The following SCNN1B variants were observed in gnomAD, a reference collection of about 807,000 sequenced individuals.
The protein encoded by SCNN1B is sodium channel epithelial 1 subunit beta.
A neutral mutation model predicts 65.3 loss-of-function variants in SCNN1B; 46 were observed. The observed-to-expected ratio is 0.70, with a 90% CI of 0.56 to 0.90. The LOEUF is 0.90. Ranked by LOEUF, SCNN1B falls within the 40% of genes least tolerant of loss-of-function variation. SCNN1B has a pLI of 0.00. For missense variants in SCNN1B, 751 were observed against 830.5 expected, an observed-to-expected ratio of 0.90 and a Z score of 1.18; for synonymous variants, 349 against 330.6, an observed-to-expected ratio of 1.06 and a Z score of -0.60.
intron 1 of SCNN1B, among the ~76,000 whole-genome samples, chr16:23,317,826 G>C (rs1961504611): frequency 6.6e-6 from 1 of 152,212 alleles, no homozygotes; most frequent in Non-Finnish European, 1.5e-5. Context: ...ACAAATGCCT[G>C]TGGGGTATGT....
intron 1 of SCNN1B, among the ~76,000 whole-genome samples, chr16:23,305,023 C>T (rs1032914019): frequency 3.3e-5 from 5 of 152,066 alleles, no homozygotes; most frequent in African/African-American, 7.2e-5. Context: ...ATGCCTAGAG[C>T]CACTGTTTGT....
chr16:23,331,962 T>C (rs1485923972), intron 1 of SCNN1B, among the ~76,000 whole-genome samples: 1 of 151,006 alleles, frequency 6.6e-6, no homozygotes, highest in Non-Finnish European at 1.5e-5. Context: ...TTTTTGCTTG[T>C]TTGTTTGTTT....
intron 1 of SCNN1B, among the ~76,000 whole-genome samples, chr16:23,316,972 G>T (rs1019021331): frequency 6.6e-6 from 1 of 152,122 alleles, no homozygotes; most frequent in Non-Finnish European, 1.5e-5. Flanking sequence ...CAACATTATG[G>T]TCACCCACAT....
At position 23,355,448 on chromosome 16, in the gene SCNN1B, G is replaced by A. The variant is rs267604468; in HGVS notation, c.735G>A (p.Met245Ile). ...LVEMSYPGEQ[M>I]ILACLFGAEP... is the part of the protein sequence containing the mutation. ...AGATGAGCTACCCCGGCGAGCAGATGATCCTGGCCTGCCTATTCGGAGCTG... is the reference window on the plus strand; with the variant it reads ...AGATGAGCTACCCCGGCGAGCAGATAATCCTGGCCTGCCTATTCGGAGCTG... The change falls in exon 4 of 13, where the codon ATG becomes ATA. Residue 245 changes from methionine (M) to isoleucine (I), a missense_variant. Transcript: ENST00000343070. 2 of 1,614,204 alleles carry A rather than the reference G, an allele frequency of 1.2e-6. No individual in the cohort carries two copies. Among genetic ancestry groups the A allele is most frequent in the Non-Finnish European group, 1.7e-6 (2 of 1,180,050 alleles).
intron 1 of SCNN1B, among the ~76,000 whole-genome samples, chr16:23,336,371 A>ATTTTT (rs745716509): frequency 3.7e-5 from 5 of 134,522 alleles, no homozygotes; most frequent in African/African-American, 1.1e-4. Context: ...AAGCAAGACG[A>ATTTTT]TTTTTTTTTT....
intron 1 of SCNN1B, among the ~76,000 whole-genome samples, chr16:23,315,075 G>T (rs1184461669): frequency 6.6e-6 from 1 of 152,214 alleles, no homozygotes; most frequent in African/African-American, 2.4e-5. Context: ...GGTGGCTCAA[G>T]CCTGTAATCC....
upstream of SCNN1B, among the ~76,000 whole-genome samples, chr16:23,302,010 T>TG (rs1409799605): frequency 1.3e-5 from 2 of 151,950 alleles, no homozygotes. Flanking sequence ...ATGTGGCTTG[T>TG]GATATGTACT....
At chr16:23,363,451 C>G (rs1192746033) in intron 4 of SCNN1B, among the ~76,000 whole-genome samples, 2 of 152,226 alleles carry the variant, frequency 1.3e-5, no homozygotes, top group East Asian at 3.8e-4. Flanking sequence ...TCCAGACAGA[C>G]AAGGTCATGC....
intron 7 of SCNN1B, among the ~76,000 whole-genome samples, chr16:23,374,952 A>T (rs1962862805): frequency 6.6e-6 from 1 of 152,012 alleles, no homozygotes; most frequent in Middle Eastern, 3.2e-3. Flanking sequence ...GTGGCCCTGA[A>T]TCCTCCCTCC....
intron 1 of SCNN1B, among the ~76,000 whole-genome samples, chr16:23,320,115 G>A (rs1325090473): frequency 5.9e-5 from 9 of 152,160 alleles, no homozygotes; most frequent in African/African-American, 1.9e-4. Flanking sequence ...TGATTCAGTA[G>A]GTCAAGTGGG....
intron 3 of SCNN1B, 157 bp downstream of exon 3, chr16:23,353,231 T>C (rs1962349391): frequency 3.4e-6 from 3 of 892,408 alleles, no homozygotes; most frequent in East Asian, 2.6e-5. Flanking sequence ...AAAATAGAAA[T>C]TTTTGGCATG....
chr16:23,351,943 C>T (rs189769489), intron 2 of SCNN1B, among the ~76,000 whole-genome samples: 1 of 152,348 alleles, frequency 6.6e-6, no homozygotes, highest in East Asian at 1.9e-4. Context: ...ATTCTAAACT[C>T]ACCTCTGCCC....
At chr16:23,279,135 G>C (rs909135005) in intron 1 of SCNN1B, among the ~76,000 whole-genome samples, 1 of 151,842 alleles carries the variant, frequency 6.6e-6, no homozygotes, top group Admixed American at 6.6e-5. Context: ...GGAGTGCAGT[G>C]GAGCAATCTT....
intron 2 of SCNN1B, among the ~76,000 whole-genome samples, chr16:23,349,777 A>C (rs1241083373): frequency 6.6e-6 from 1 of 152,204 alleles, no homozygotes. Flanking sequence ...ACAAATATCG[A>C]ATTCATCATC....
upstream of SCNN1B, among the ~76,000 whole-genome samples, chr16:23,300,356 A>C (rs914255482): frequency 1.3e-5 from 2 of 151,074 alleles, no homozygotes; most frequent in Non-Finnish European, 2.9e-5. Flanking sequence ...TAAATAAAAA[A>C]GACTGAAAAA....
Position 23,348,737 on chromosome 16 carries a change from C to T in SCNN1B, c.138C>T (p.Pro46=). The change falls in exon 2 of 13, where the codon CCC becomes CCT. Residue 46 remains proline (P), a synonymous_variant. Coordinates refer to ENST00000343070, the MANE Select transcript of SCNN1B (RefSeq NM_000336.3). The surrounding 1 kb of genome is among the most constrained non-coding windows in gnomAD (Gnocchi z 4.5). Reference sequence around the variant, plus strand: ...CCAAGCGCATCATCTGTGAGGGGCCCAAGAAGAAAGCCATGTGGTTCCTGC... The same window carrying T: ...CCAAGCGCATCATCTGTGAGGGGCCTAAGAAGAAAGCCATGTGGTTCCTGC... ...HGPKRIICEG[P]KKKAMWFLLT... The T allele has an allele frequency of 1.2e-6, 2 of 1,614,168 alleles. No individual in the cohort carries two copies. The highest frequency in any genetic ancestry group is 1.7e-6 in the Non-Finnish European group (2 of 1,180,030).
chr16:23,380,012 A>C lies in SCNN1B; in HGVS notation c.1467-82A>C. 9.9e-7 allele frequency: 1 copy of C among 1,010,174 alleles called. No individual in the cohort carries two copies. Among genetic ancestry groups the C allele is most frequent in the Admixed American group, 1.7e-5 (1 of 58,878 alleles). 62.6% of individuals were successfully genotyped at this position (1,010,174 alleles called of 1,614,324 possible). A position where few individuals can be genotyped will look rare whatever the true frequency, so the allele number is the denominator to read the frequency against. ...GGTGTGTGCACGTGCATGTGTGTGC[A>C]TGTGTCTATGTGCGTGTGTGTGTGT... On this transcript the variant is annotated intron_variant, in intron 11 of 12. Transcript: ENST00000343070. The surrounding 1 kb of genome is among the most constrained non-coding windows in gnomAD (Gnocchi z 5.4).
upstream of SCNN1B, among the ~76,000 whole-genome samples, chr16:23,299,004 G>T (rs1013793676): frequency 1.3e-5 from 2 of 151,502 alleles, no homozygotes; most frequent in Non-Finnish European, 2.9e-5. Flanking sequence ...AACGTATTGG[G>T]TTGAACCATA....
In SCNN1B at chr16:23,317,757, G is replaced by A. The variant is rs72652299; in HGVS notation, c.-9+15320G>A. On this transcript the variant is annotated intron_variant, in intron 1 of 12. Coordinates refer to ENST00000343070, the MANE Select transcript of SCNN1B (RefSeq NM_000336.3). The stretch of plus-strand genomic sequence containing the variant: ...CTAAATAGCAGTAAAGGTGAGCACC[G>A]AAGGGCAATGCTGTGCCAGGGAATC... Among the ~76,000 whole-genome samples, 394 of 152,304 alleles carry A rather than the reference G, an allele frequency of 2.6e-3. 2 individuals carry two copies. The highest frequency in any genetic ancestry group is 4.1e-3 in the Non-Finnish European group (277 of 68,028).
Sources: allele counts gnomAD v4.1 joint callset (sites outside exome capture counted in the v4.1 genomes callset), GRCh38; gene constraint gnomAD v4.1.1; non-coding constraint Gnocchi (gnomAD v3.1); transcripts MANE v1.5; gene names NCBI Gene and HGNC (gene_info 2026-07-23, HGNC 2026-07-21).